Variants in TMEM260 observed in about 807,000 individuals in gnomAD.
TMEM260 encodes protein O-mannosyl-transferase TMEM260.
A neutral mutation model predicts 88.9 loss-of-function variants in TMEM260; 82 were observed. That is an observed-to-expected ratio of 0.92 (90% CI 0.77 to 1.11). The LOEUF (loss-of-function observed/expected upper bound fraction) is 1.11, where lower values mean the gene tolerates loss of function less well. Among genes scored for constraint, TMEM260 ranks in the 50% least tolerant of loss-of-function variants. TMEM260 has a pLI of 0.00. For missense variants in TMEM260, 902 were observed against 853.4 expected (o/e 1.06, Z -0.71); for synonymous variants, 314 against 309.3 (o/e 1.02, Z -0.16).
At chr14:56,605,302 T>C (rs1363429718) in intron 4 of TMEM260, among the ~76,000 whole-genome samples, 1 of 152,236 alleles carries the variant, frequency 6.6e-6, no homozygotes, top group African/African-American at 2.4e-5. Flanking sequence ...TTACAACTTA[T>C]CTATTTATCA....
rs111454086 is a variant in TMEM260 at position 56,609,509 on chromosome 14, A to G, written c.816+224A>G. Among the ~76,000 whole-genome samples the G allele has an allele frequency of 5.1e-4, 77 of 152,324 alleles. 1 individual carries two copies. The highest frequency in any genetic ancestry group is 1.7e-3 in the African/African-American group (71 of 41,578). ...TCATGTAGTTGTATATCCTGAATAT[A>G]CTTTTTAGGATAGCAGTCATTAAAG... is the stretch of plus-strand genomic sequence containing the variant. On this transcript the variant is annotated intron_variant, in intron 6 of 15. Transcript: ENST00000261556.
intron 3 of TMEM260, among the ~76,000 whole-genome samples, chr14:56,598,261 T>C (rs1316412538): frequency 6.6e-6 from 1 of 151,464 alleles, no homozygotes; most frequent in Non-Finnish European, 1.5e-5. Flanking sequence ...AGAAGGAAGA[T>C]CAAGAGCCAA....
chr14:56,591,894 A>G (rs1235653021), intron 3 of TMEM260, among the ~76,000 whole-genome samples: 1 of 152,216 alleles, frequency 6.6e-6, no homozygotes, highest in Non-Finnish European at 1.5e-5. Flanking sequence ...TTATCATTTA[A>G]TAGCTAATGC....
chr14:56,610,974 T>C (rs1887230115), intron 6 of TMEM260, among the ~76,000 whole-genome samples: 1 of 147,556 alleles, frequency 6.8e-6, no homozygotes, highest in Non-Finnish European at 1.5e-5. Flanking sequence ...TTTCTTTTTT[T>C]TTTTTTTTTT....
chr14:56,602,241 GAGAA>G (rs973955154), intron 3 of TMEM260, among the ~76,000 whole-genome samples: 11 of 152,238 alleles, frequency 7.2e-5, no homozygotes, highest in African/African-American at 2.6e-4. Context: ...AGAAACATTT[GAGAA>G]AGAAGTAGGA....
chr14:56,622,567 G>A (rs1722030186), intron 11 of TMEM260, among the ~76,000 whole-genome samples: 2 of 151,932 alleles, frequency 1.3e-5, no homozygotes, highest in Non-Finnish European at 2.9e-5. Flanking sequence ...AATACATTAA[G>A]AGAGGACTTG....
chr14:56,583,820 G>C (rs1885295467), intron 1 of TMEM260, among the ~76,000 whole-genome samples: 1 of 152,178 alleles, frequency 6.6e-6, no homozygotes, highest in Non-Finnish European at 1.5e-5. Context: ...CAGAGAAACA[G>C]TGGGTAATAA....
intron 15 of TMEM260, among the ~76,000 whole-genome samples, chr14:56,643,129 T>C (rs1241463346): frequency 3.3e-5 from 5 of 152,086 alleles, no homozygotes; most frequent in Admixed American, 6.6e-5. Flanking sequence ...TTCCAATCAA[T>C]AGAAAAAGAG....
chr14:56,593,631 C>T (rs1458023577), intron 3 of TMEM260, among the ~76,000 whole-genome samples: 3 of 144,120 alleles, frequency 2.1e-5, no homozygotes, highest in Non-Finnish European at 3.0e-5. Context: ...ACCTCTCTAA[C>T]AGTGTCAAAA....
downstream of TMEM260, among the ~76,000 whole-genome samples, chr14:56,652,507 A>T (rs1020077072): frequency 1.1e-4 from 16 of 150,476 alleles, no homozygotes; most frequent in African/African-American, 3.9e-4. Flanking sequence ...AAAAAAAAAA[A>T]ATTATTATAA....
chr14:56,656,845 CA>C, the TMEM260 span, among the ~76,000 whole-genome samples: 3,328 of 152,132 alleles, frequency 0.022, 75 homozygotes, highest in East Asian at 0.058. Flanking sequence ...GAAATGAAAT[CA>C]GTCCCATTAA....
downstream of TMEM260, among the ~76,000 whole-genome samples, chr14:56,653,317 A>T (rs950336215): frequency 6.6e-6 from 1 of 152,244 alleles, no homozygotes; most frequent in African/African-American, 2.4e-5. Context: ...GCATGTGTGT[A>T]TAACATATAT....
chr14:56,586,681 T>G (rs1885525676), intron 3 of TMEM260, among the ~76,000 whole-genome samples: 1 of 152,140 alleles, frequency 6.6e-6, no homozygotes, highest in Admixed American at 6.5e-5. Context: ...TTGCATGTCT[T>G]ACTATAAAAC....
At chr14:56,626,653 C>A (rs557675956) in intron 12 of TMEM260, among the ~76,000 whole-genome samples, 1 of 152,268 alleles carries the variant, frequency 6.6e-6, no homozygotes, top group South Asian at 2.1e-4. Flanking sequence ...TAACTGACAA[C>A]ATATGCCAAG....
chr14:56,654,729 G>A (rs952597370), downstream of TMEM260, among the ~76,000 whole-genome samples: 3 of 143,014 alleles, frequency 2.1e-5, no homozygotes, highest in Admixed American at 7.5e-5. Context: ...CAGGAGAATC[G>A]CTTGAACCCG....
At chr14:56,595,543 T>C (rs956959065) in intron 3 of TMEM260, among the ~76,000 whole-genome samples, 1 of 152,156 alleles carries the variant, frequency 6.6e-6, no homozygotes, top group Non-Finnish European at 1.5e-5. Flanking sequence ...ACAGTGATGC[T>C]ATCATAGCTC....
In TMEM260 at chr14:56,647,629, T is replaced by G; in HGVS notation, c.*132T>G. ...CATCTCCCAGATATAAGTATCATGG[T>G]CCAGCAGTACTGTTTAATGGGGTAT... On this transcript the variant is annotated 3_prime_UTR_variant, in exon 16 of 16. Transcript: ENST00000261556. 3 of 1,037,396 alleles carry G rather than the reference T, an allele frequency of 2.9e-6. No homozygotes were observed. The highest frequency in any genetic ancestry group is 3.5e-5 in the South Asian group (2 of 57,712). 64.3% of individuals were successfully genotyped at this position (1,037,396 alleles called of 1,614,324 possible).
At chr14:56,584,480 A>T (rs536007214) in intron 1 of TMEM260, among the ~76,000 whole-genome samples, 1 of 152,282 alleles carries the variant, frequency 6.6e-6, no homozygotes, top group Admixed American at 6.5e-5. Flanking sequence ...TACCGAAATA[A>T]CGTGGAGTTA....
chr14:56,596,287 A>G (rs1886199336), intron 3 of TMEM260, among the ~76,000 whole-genome samples: 1 of 151,784 alleles, frequency 6.6e-6, no homozygotes, highest in East Asian at 1.9e-4. Context: ...AACTATAAAT[A>G]AAGTATGTCT....
Sources: allele counts gnomAD v4.1 joint callset (sites outside exome capture counted in the v4.1 genomes callset), GRCh38; gene constraint gnomAD v4.1.1; transcripts MANE v1.5; gene names NCBI Gene and HGNC (gene_info 2026-07-23, HGNC 2026-07-21).